Variants in SIPA1L3 observed in about 807,000 individuals in gnomAD.
SIPA1L3 encodes the protein signal-induced proliferation-associated 1-like protein 3.
SIPA1L3 carries 59 observed loss-of-function variants against 150.1 expected under a neutral mutation model. That is an observed-to-expected ratio of 0.39 (90% CI 0.32 to 0.49). The LOEUF is 0.49. Among genes scored for constraint, SIPA1L3 ranks in the 20% least tolerant of loss-of-function variants. The pLI is 0.86. For synonymous variants in SIPA1L3, 1,070 were observed against 1,077.6 expected (o/e 0.99, Z 0.14); for missense variants, 2,211 against 2,489.5 (o/e 0.89, Z 2.38).
At chr19:38,203,081 C>A (rs1479798234) in intron 20 of SIPA1L3, among the ~76,000 whole-genome samples, 4 of 152,232 alleles carry the variant, frequency 2.6e-5, no homozygotes, top group African/African-American at 9.6e-5. Flanking sequence ...ACTTCATGGG[C>A]AGTGGGAGCA....
In SIPA1L3 at chr19:38,193,571, C is replaced by T. The variant is rs771877025; in HGVS notation, c.4631C>T (p.Ser1544Leu). ...CAGAAGGGCCTGCAGCGGACGCTGTCGGACGAGAGCCTGTGCAGCGGGCGC... is the reference window on the plus strand; with the variant it reads ...CAGAAGGGCCTGCAGCGGACGCTGTTGGACGAGAGCCTGTGCAGCGGGCGC... ...SPQKGLQRTL[S>L]DESLCSGRRE... Residue 1544 changes from serine (S) to leucine (L), a missense_variant, in exon 18 of 22, where the codon TCG becomes TTG. Physicochemically the swap from Ser to Leu is moderately radical, Grantham distance 145. Around this residue, in one of 5 missense-constraint regions of SIPA1L3, gnomAD observed 806 missense variants for 870.1 expected, o/e 0.93. Transcript: ENST00000222345. 19 of 1,530,332 alleles carry T rather than the reference C, an allele frequency of 1.2e-5. No individual in the cohort carries two copies. The highest frequency in any genetic ancestry group is 1.6e-5 in the Non-Finnish European group (18 of 1,149,154). 94.8% of individuals were successfully genotyped at this position (1,530,332 alleles called of 1,614,324 possible).
chr19:38,167,498 A>G (rs1972236036), intron 15 of SIPA1L3, among the ~76,000 whole-genome samples: 1 of 152,206 alleles, frequency 6.6e-6, no homozygotes, highest in South Asian at 2.1e-4. Flanking sequence ...AGGAGGAAAG[A>G]GGAGACAGAC....
intron 1 of SIPA1L3, among the ~76,000 whole-genome samples, chr19:37,925,467 C>T (rs2046494991): frequency 6.6e-6 from 1 of 151,984 alleles, no homozygotes. Flanking sequence ...GCGGAATGAG[C>T]CCAGGAGAGT....
chr19:38,181,528 T>G (rs1368539620), intron 15 of SIPA1L3, among the ~76,000 whole-genome samples: 1 of 151,690 alleles, frequency 6.6e-6, no homozygotes, highest in African/African-American at 2.4e-5. Flanking sequence ...CCCTTTTATA[T>G]ACACATGCGT....
intron 1 of SIPA1L3, among the ~76,000 whole-genome samples, chr19:38,010,364 A>C (rs1263525817): frequency 6.6e-6 from 1 of 151,804 alleles, no homozygotes; most frequent in Non-Finnish European, 1.5e-5. Context: ...GCTAAAATCA[A>C]GTCACTGCAC....
chr19:38,082,700 T>G lies in SIPA1L3; in HGVS notation c.1135T>G (p.Ser379Ala). Residue 379 changes from serine to alanine, a missense_variant, in exon 3 of 22, where the codon TCG becomes GCG. Ser to Ala is a moderately conservative substitution (Grantham distance 99). Around this residue, in one of 5 missense-constraint regions of SIPA1L3, gnomAD observed 587 missense variants for 534.5 expected, o/e 1.10. Transcript: ENST00000222345. ...GGGTGCTTCGGCCGCTTCCGCCGCC[T>G]CGGCCATGGCCTCCCTCACGGCCTC... ...TTGASAASAA[S>A]AMASLTASRA... 2 of 1,610,316 alleles carry G rather than the reference T, an allele frequency of 1.2e-6. No homozygotes were observed. The highest frequency in any genetic ancestry group is 8.5e-7 in the Non-Finnish European group (1 of 1,178,972).
intron 9 of SIPA1L3, among the ~76,000 whole-genome samples, chr19:38,121,568 G>A (rs1289316337): frequency 7.4e-5 from 11 of 149,004 alleles, no homozygotes; most frequent in African/African-American, 1.2e-4. Context: ...GTGAAACCCC[G>A]TCTCTATTAA....
chr19:37,971,628 C>T (rs567082999), intron 1 of SIPA1L3, among the ~76,000 whole-genome samples: 12 of 151,974 alleles, frequency 7.9e-5, no homozygotes, highest in South Asian at 6.2e-4. Context: ...TACAGTGGCG[C>T]GATCTCGGCT....
In SIPA1L3 at chr19:38,082,126, G is replaced by C. The variant is rs1170422818; in HGVS notation, c.561G>C (p.Pro187=). The C allele has an allele frequency of 1.9e-6, 3 of 1,606,546 alleles. No homozygotes were observed. The African/African-American group carries it at 4.0e-5, about 21-fold the overall frequency. Reference sequence around the variant, plus strand: ...GTGACGCGGAGGACGCGGGGGAGCCGCGGGGGGCCCGGCACACGGGGGCGC... The same window carrying C: ...GTGACGCGGAGGACGCGGGGGAGCCCCGGGGGGCCCGGCACACGGGGGCGC... ...SECDAEDAGE[P]RGARHTGALP... The change falls in exon 3 of 22, where the codon CCG becomes CCC. Residue 187 remains proline (P), a synonymous_variant. Coordinates refer to ENST00000222345, the MANE Select transcript of SIPA1L3 (RefSeq NM_015073.3).
Position 37,989,422 on chromosome 19 carries a change from C to T in SIPA1L3, c.-378-39667C>T, listed in dbSNP as rs546457396. 5.3e-5 allele frequency among the ~76,000 whole-genome samples: 8 copies of T among 152,230 alleles called. No individual in the cohort carries two copies. In the South Asian group the frequency reaches 1.4e-3, roughly 28 times the overall value. On this transcript the variant is annotated intron_variant, in intron 1 of 21. Transcript: ENST00000222345. Reference sequence around the variant, plus strand: ...ATATTTAGTAGAGACGGGGATCTCACTGTGTTGCCCAGGCTGGTCTTGAAC... The same window carrying T: ...ATATTTAGTAGAGACGGGGATCTCATTGTGTTGCCCAGGCTGGTCTTGAAC...
chr19:38,125,286 C>T (rs1276841878), intron 9 of SIPA1L3, among the ~76,000 whole-genome samples: 1 of 152,138 alleles, frequency 6.6e-6, no homozygotes, highest in Non-Finnish European at 1.5e-5. Context: ...TCCACCCTCC[C>T]TGGCCTCCCA....
chr19:38,033,716 T>C (rs957917989), intron 2 of SIPA1L3, among the ~76,000 whole-genome samples: 15 of 151,810 alleles, frequency 9.9e-5, no homozygotes, highest in African/African-American at 3.6e-4. Flanking sequence ...TGTAAATAAT[T>C]GTACAGATGG....
intron 2 of SIPA1L3, among the ~76,000 whole-genome samples, chr19:38,067,895 A>G (rs1473198857): frequency 6.6e-6 from 1 of 152,218 alleles, no homozygotes; most frequent in Non-Finnish European, 1.5e-5. Context: ...AGTCTCTGCC[A>G]TGGCACTAGC....
chr19:37,971,809 C>T lies in SIPA1L3; in HGVS notation c.-378-57280C>T, dbSNP rs147131319. 9.0e-3 allele frequency among the ~76,000 whole-genome samples: 1,363 copies of T among 152,156 alleles called. 37 individuals carry two copies. Among genetic ancestry groups the T allele is most frequent in the East Asian group, 0.066 (343 of 5,176 alleles). On this transcript the variant is annotated intron_variant, in intron 1 of 21. Transcript: ENST00000222345. ...CTCGAACTCCTGAGCTCAGGCAATC[C>T]GCCCGCCTCAGCCTCCCAAAGTGCT...
rs1439021249 is a variant in SIPA1L3, at chr19:38,110,207, C to T, written c.2134-20C>T. On this transcript the variant is annotated intron_variant, in intron 7 of 21. Coordinates refer to ENST00000222345, the MANE Select transcript of SIPA1L3 (RefSeq NM_015073.3). ...CCGACCTGTGACAGGTTCCTGTCCC[C>T]CTCTGTTGCCCTTTCCCAGCTGCTA... 1.2e-6 allele frequency: 2 copies of T among 1,612,604 alleles called. No homozygotes were observed. Among genetic ancestry groups the T allele is most frequent in the Middle Eastern group, 1.7e-4 (1 of 6,056 alleles).
intron 2 of SIPA1L3, among the ~76,000 whole-genome samples, chr19:38,069,876 A>G (rs1599999651): frequency 1.4e-5 from 2 of 146,660 alleles, no homozygotes; most frequent in South Asian, 4.3e-4. Flanking sequence ...GGGTTTTACC[A>G]TGTTGGCCAG....
rs1188205292 is a variant in SIPA1L3, at chr19:37,941,071, TACACACACACACACATACAC to T, written c.-379+33729_-379+33748del. Among the ~76,000 whole-genome samples the T allele has an allele frequency of 6.8e-5, 9 of 133,184 alleles. No homozygotes were observed. In the South Asian group the frequency reaches 7.5e-4, roughly 11 times the overall value. 87.4% of individuals were successfully genotyped at this position (133,184 alleles called of 152,430 possible). ...GTAGGTGAATTTCAGGTTTGAGATG[TACACACACACACACATACAC>T]ACACACACACACACACACACACACA... On this transcript the variant is annotated intron_variant, in intron 1 of 21. Coordinates refer to ENST00000222345, the MANE Select transcript of SIPA1L3 (RefSeq NM_015073.3).
chr19:38,175,640 A>T (rs577322876), intron 15 of SIPA1L3, among the ~76,000 whole-genome samples: 2 of 152,240 alleles, frequency 1.3e-5, no homozygotes, highest in Non-Finnish European at 2.9e-5. Context: ...CCTCCCTGGC[A>T]CCTGCAGCTC....
chr19:38,206,002 C>T, intron 21 of SIPA1L3, 95 bp from the exon 22 acceptor site: 1 of 1,388,374 alleles, frequency 7.2e-7, no homozygotes, highest in Non-Finnish European at 9.5e-7. Flanking sequence ...CTCCAAAGCA[C>T]AGCCGGGCCA....
Sources: gnomAD v4.1 joint callset for allele counts (sites outside exome capture counted in the v4.1 genomes callset) on GRCh38, gnomAD v4.1.1 for gene constraint, gnomAD v4.1.1 regional missense constraint, MANE v1.5 for transcripts, NCBI Gene and HGNC (gene_info 2026-07-23, HGNC 2026-07-21) for gene names.